Variants in EVI5 observed in about 807,000 individuals in gnomAD.
EVI5 encodes the protein ecotropic viral integration site 5, also known as ecotropic viral integration site 5 protein homolog.
EVI5 carries 73 observed loss-of-function variants against 112.0 expected under a neutral mutation model. The observed-to-expected ratio is 0.65, with a 90% CI of 0.54 to 0.79. The LOEUF is 0.79. Among genes scored for constraint, EVI5 ranks in the 30% least tolerant of loss-of-function variants. The pLI, the probability that EVI5 is intolerant of heterozygous loss-of-function variation, is 0.00. For synonymous variants in EVI5, 305 were observed against 319.9 expected, an observed-to-expected ratio of 0.95 and a Z score of 0.50; for missense variants, 900 against 968.8, an observed-to-expected ratio of 0.93 and a Z score of 0.94.
chr1:92,733,331 C>T (rs945649787), intron 2 of EVI5: 1 of 153,406 alleles, frequency 6.5e-6, no homozygotes, highest in African/African-American at 2.4e-5. Context: ...ATTTCTTTTA[C>T]TACAATTTCT....
chr1:92,635,283 T>C (rs79368942), intron 14 of EVI5, among the ~76,000 whole-genome samples: 1 of 151,732 alleles, frequency 6.6e-6, no homozygotes, highest in South Asian at 2.1e-4. Flanking sequence ...CGAGGTGGAG[T>C]CTACAGGGGC....
At chr1:92,623,380 G>C (rs1654987605) in intron 16 of EVI5, among the ~76,000 whole-genome samples, 1 of 152,144 alleles carries the variant, frequency 6.6e-6, no homozygotes, top group African/African-American at 2.4e-5. Flanking sequence ...TATGAGTTAA[G>C]TATGCCCCCT....
At chr1:92,673,321 C>G (rs1171896119) in intron 10 of EVI5, among the ~76,000 whole-genome samples, 1 of 151,048 alleles carries the variant, frequency 6.6e-6, no homozygotes, top group Non-Finnish European at 1.5e-5. Flanking sequence ...TGACTAAAAA[C>G]TGGCCAGAAT....
intron 9 of EVI5, among the ~76,000 whole-genome samples, chr1:92,683,699 T>C (rs951114651): frequency 2.0e-5 from 3 of 152,128 alleles, no homozygotes; most frequent in South Asian, 2.1e-4. Context: ...ATAAACACTA[T>C]AGAGAAGACC....
intron 18 of EVI5, among the ~76,000 whole-genome samples, chr1:92,580,324 AT>A (rs1433668881): frequency 6.6e-6 from 1 of 152,226 alleles, no homozygotes; most frequent in African/African-American, 2.4e-5. Flanking sequence ...CATATATTGC[AT>A]TCATAACAAC....
chr1:92,656,021 C>A (rs1379072770), intron 13 of EVI5, among the ~76,000 whole-genome samples: 1 of 152,106 alleles, frequency 6.6e-6, no homozygotes, highest in African/African-American at 2.4e-5. Context: ...AGGAAATCAA[C>A]AAAGAAATAC....
intron 13 of EVI5, among the ~76,000 whole-genome samples, chr1:92,661,180 T>C (rs1187688026): frequency 6.6e-6 from 1 of 152,066 alleles, no homozygotes; most frequent in Non-Finnish European, 1.5e-5. Flanking sequence ...CTTATATTGG[T>C]AATTCAATAC....
chr1:92,694,161 C>G (rs1669934619), intron 8 of EVI5, 138 bp downstream of exon 8: 1 of 618,956 alleles, frequency 1.6e-6, no homozygotes, highest in South Asian at 2.0e-5. Context: ...ACACAGAAGG[C>G]TGAAGCGGTA....
intron 10 of EVI5, among the ~76,000 whole-genome samples, chr1:92,675,067 G>T (rs989785912): frequency 2.6e-5 from 4 of 152,232 alleles, no homozygotes; most frequent in African/African-American, 9.6e-5. Context: ...AAATGGCTGG[G>T]CGTGGTGGCT....
intron 18 of EVI5, among the ~76,000 whole-genome samples, chr1:92,586,497 A>AT (rs1294358891): frequency 1.6e-4 from 23 of 146,864 alleles, no homozygotes; most frequent in African/African-American, 3.8e-4. Flanking sequence ...ATACTTCAAA[A>AT]TTTTTTTTTT....
intron 13 of EVI5, among the ~76,000 whole-genome samples, chr1:92,654,554 A>T (rs990165750): frequency 6.6e-6 from 1 of 152,256 alleles, no homozygotes; most frequent in African/African-American, 2.4e-5. Context: ...AAATTCAAAA[A>T]TAAGAAGAAA....
chr1:92,521,788 T>G (rs929592291), intron 19 of EVI5, among the ~76,000 whole-genome samples: 11 of 152,148 alleles, frequency 7.2e-5, no homozygotes, highest in Non-Finnish European at 1.5e-5. Context: ...TTTGAGGGCA[T>G]TTTAAAAGCT....
chr1:92,530,200 T>G (rs1662621896), intron 19 of EVI5, among the ~76,000 whole-genome samples: 2 of 152,116 alleles, frequency 1.3e-5, no homozygotes, highest in Non-Finnish European at 1.5e-5. Flanking sequence ...AAAGCCCTAG[T>G]GGTAGCAAGG....
At chr1:92,742,474 A>G (rs1242754448) in intron 1 of EVI5, among the ~76,000 whole-genome samples, 1 of 151,602 alleles carries the variant, frequency 6.6e-6, no homozygotes, top group Non-Finnish European at 1.5e-5. Flanking sequence ...GGAGTTCGAG[A>G]CCAGCCTGGC....
chr1:92,513,539 AT>A lies in EVI5; in HGVS notation c.*116del. 1.9e-4 allele frequency: 6 copies of A among 30,866 alleles called. No individual in the cohort carries two copies. Among genetic ancestry groups the A allele is most frequent in the East Asian group, 3.1e-3 (2 of 644 alleles). The allele number at this position is 30,866 out of a possible 1,614,324, so 1.9% of individuals were successfully genotyped here. On this transcript the variant is annotated 3_prime_UTR_variant, in exon 20 of 20. Coordinates refer to ENST00000684568, the MANE Select transcript of EVI5 (RefSeq NM_001350197.2). ...TATATATATATATATATATATATAT[AT>A]ATATATATATATATATATATATATA...
chr1:92,640,602 C>T (rs1659749325), intron 13 of EVI5, among the ~76,000 whole-genome samples: 1 of 152,062 alleles, frequency 6.6e-6, no homozygotes, highest in Non-Finnish European at 1.5e-5. Flanking sequence ...AGCCAAGAAA[C>T]AACAGATGCT....
chr1:92,597,909 AT>A (rs1228404920), intron 18 of EVI5, among the ~76,000 whole-genome samples: 1 of 152,150 alleles, frequency 6.6e-6, no homozygotes, highest in Non-Finnish European at 1.5e-5. Context: ...AAATATAAAA[AT>A]TAGCCAGGTG....
chr1:92,541,592 C>A (rs1317744655), intron 19 of EVI5, among the ~76,000 whole-genome samples: 2 of 152,150 alleles, frequency 1.3e-5, no homozygotes, highest in Non-Finnish European at 2.9e-5. Context: ...TACCATATGA[C>A]CCAGTAATTC....
chr1:92,520,800 A>G (rs1203094606), intron 19 of EVI5, among the ~76,000 whole-genome samples: 1 of 151,454 alleles, frequency 6.6e-6, no homozygotes, highest in Non-Finnish European at 1.5e-5. Context: ...GCAGTGAGCT[A>G]TGATCCCACC....
Sources: gnomAD v4.1 joint callset for allele counts (sites outside exome capture counted in the v4.1 genomes callset) on GRCh38, gnomAD v4.1.1 for gene constraint, MANE v1.5 for transcripts, NCBI Gene and HGNC (gene_info 2026-07-23, HGNC 2026-07-21) for gene names.